ASAP2: variants seen among roughly 807,000 people sequenced by gnomAD.
ASAP2 encodes the protein arf-GAP with SH3 domain, ANK repeat and PH domain-containing protein 2.
ASAP2 carries 45 observed loss-of-function variants against 131.4 expected under a neutral mutation model. The observed-to-expected ratio is 0.34, with a 90% confidence interval of 0.27 to 0.44. ASAP2 has a LOEUF of 0.44. ASAP2 is among the 20% of genes least tolerant of loss of function. The probability of loss-of-function intolerance (pLI) is 1.00; values close to 1 mark genes in which losing one functional copy is unlikely to be tolerated. For missense variants in ASAP2, 1,011 were observed against 1,297.0 expected, an observed-to-expected ratio of 0.78 and a Z score of 3.39; for synonymous variants, 510 against 503.0, an observed-to-expected ratio of 1.01 and a Z score of -0.19.
At chr2:9,334,305 T>C (rs1320222962) in intron 7 of ASAP2, among the ~76,000 whole-genome samples, 2 of 151,174 alleles carry the variant, frequency 1.3e-5, no homozygotes, top group Non-Finnish European at 2.9e-5. Flanking sequence ...CACCTTGGCC[T>C]CCCCAAGTCC....
At chr2:9,222,331 T>C (rs1278377371) in intron 1 of ASAP2, among the ~76,000 whole-genome samples, 1 of 152,228 alleles carries the variant, frequency 6.6e-6, no homozygotes, top group Non-Finnish European at 1.5e-5. Flanking sequence ...GTGGAAATGT[T>C]TTTGCATTTG....
intron 2 of ASAP2, among the ~76,000 whole-genome samples, chr2:9,290,513 T>C (rs1667747990): frequency 6.6e-6 from 1 of 152,230 alleles, no homozygotes; most frequent in South Asian, 2.1e-4. Context: ...CCTGGCCTAA[T>C]GTTCTTAATA....
In ASAP2 at chr2:9,356,160, G is replaced by A. The variant is rs150532321; in HGVS notation, c.1161-19G>A. On this transcript the variant is annotated intron_variant, in intron 13 of 27. Transcript: ENST00000281419. ...CGTTGTTTGTGGAATTTAACACAGCGTTGCTCTTGTTTTTCTAGATGGATG... is the reference window on the plus strand; with the variant it reads ...CGTTGTTTGTGGAATTTAACACAGCATTGCTCTTGTTTTTCTAGATGGATG... The A allele has an allele frequency of 2.6e-3, 4,131 of 1,614,116 alleles. 73 individuals carry two copies. In the African/African-American group the frequency reaches 0.047, roughly 18 times the overall value.
chr2:9,343,379 A>G (rs1313785986), intron 9 of ASAP2, among the ~76,000 whole-genome samples: 1 of 144,772 alleles, frequency 6.9e-6, no homozygotes, highest in Non-Finnish European at 1.5e-5. Context: ...TCAGGGAAAT[A>G]GAATTTCCTG....
chr2:9,397,737 TATATA>T (rs1558403247), intron 24 of ASAP2, among the ~76,000 whole-genome samples: 33 of 89,898 alleles, frequency 3.7e-4, no homozygotes, highest in African/African-American at 2.8e-3. Context: ...GATATATATA[TATATA>T]TATATATATT....
rs1225055679 is a variant in ASAP2 at position 9,404,579 on chromosome 2, T to A, written c.*1252T>A. 2 of 152,500 alleles carry A rather than the reference T, an allele frequency of 1.3e-5. No homozygotes were observed. The allele number at this position is 152,500 out of a possible 1,614,324, so 9.4% of individuals were successfully genotyped here. A position where few individuals can be genotyped will look rare whatever the true frequency, so the allele number is the denominator to read the frequency against. ...ATTGGAAATTTTGGCACTCTGAGAATAAATAGGCATATGATACCCACTTGG... is the reference window on the plus strand; with the variant it reads ...ATTGGAAATTTTGGCACTCTGAGAAAAAATAGGCATATGATACCCACTTGG... On this transcript the variant is annotated 3_prime_UTR_variant, in exon 28 of 28. Coordinates refer to ENST00000281419, the MANE Select transcript of ASAP2 (RefSeq NM_003887.3).
intron 1 of ASAP2, among the ~76,000 whole-genome samples, chr2:9,278,326 A>G (rs888365906): frequency 1.3e-5 from 2 of 152,112 alleles, no homozygotes; most frequent in Middle Eastern, 3.2e-3. Context: ...CATCCTGTCT[A>G]ACATGGTGAA....
chr2:9,307,773 A>G (rs1215586527), intron 3 of ASAP2, among the ~76,000 whole-genome samples: 1 of 152,240 alleles, frequency 6.6e-6, no homozygotes, highest in African/African-American at 2.4e-5. Flanking sequence ...TGTTTTTGGC[A>G]GCTGGCTGGT....
rs1346830604 is a variant in ASAP2, at chr2:9,304,475, G to A, written c.345+7030G>A. ...AGGGCTGTAGGGGGTGTAGATATGCGGTGGAGGGGCTGTAGGGGGGGTGTA... is the reference window on the plus strand; with the variant it reads ...AGGGCTGTAGGGGGTGTAGATATGCAGTGGAGGGGCTGTAGGGGGGGTGTA... On this transcript the variant is annotated intron_variant, in intron 3 of 27. Coordinates refer to ENST00000281419, the MANE Select transcript of ASAP2 (RefSeq NM_003887.3). Among the ~76,000 whole-genome samples the A allele has an allele frequency of 9.3e-5, 14 of 149,966 alleles. No homozygotes were observed. The East Asian group carries it at 9.9e-4, about 11-fold the overall frequency.
intron 15 of ASAP2, among the ~76,000 whole-genome samples, chr2:9,365,245 G>A (rs1320420381): frequency 6.6e-6 from 1 of 152,140 alleles, no homozygotes. Context: ...TCCCTTGTCT[G>A]GGCCTTTACC....
chr2:9,372,883 G>A (rs1674091054), intron 16 of ASAP2, among the ~76,000 whole-genome samples: 1 of 152,160 alleles, frequency 6.6e-6, no homozygotes, highest in Admixed American at 6.5e-5. Context: ...GGATGTGGGG[G>A]AAACCGGAGT....
At chr2:9,229,508 T>G (rs1192281426) in intron 1 of ASAP2, among the ~76,000 whole-genome samples, 1 of 152,230 alleles carries the variant, frequency 6.6e-6, no homozygotes, top group Non-Finnish European at 1.5e-5. Context: ...CCTTGGGCAC[T>G]GCTGGCCTGG....
chr2:9,358,697 T>C (rs746831456), intron 14 of ASAP2, 59 bp from the exon 15 acceptor site: 20 of 1,567,022 alleles, frequency 1.3e-5, no homozygotes, highest in Non-Finnish European at 1.6e-5. Flanking sequence ...GGAAGAAAGA[T>C]GTGACTCCTG....
chr2:9,377,876 C>T (rs1050383479), intron 18 of ASAP2, among the ~76,000 whole-genome samples: 5 of 152,156 alleles, frequency 3.3e-5, no homozygotes, highest in African/African-American at 7.2e-5. Flanking sequence ...TCACTGGACT[C>T]GTGGTGGAAG....
At chr2:9,373,771 T>C (rs1674168033) in intron 16 of ASAP2, among the ~76,000 whole-genome samples, 1 of 152,220 alleles carries the variant, frequency 6.6e-6, no homozygotes. Context: ...GCAACTGATC[T>C]GCCCCTGCCT....
chr2:9,216,141 T>C (rs1662010149), intron 1 of ASAP2, among the ~76,000 whole-genome samples: 1 of 152,224 alleles, frequency 6.6e-6, no homozygotes, highest in Non-Finnish European at 1.5e-5. Context: ...AGAAGATTCA[T>C]GGGCACCACC....
At chr2:9,253,162 TTGTTTTTGTTTC>T (rs1237039534) in intron 1 of ASAP2, among the ~76,000 whole-genome samples, 4 of 152,050 alleles carry the variant, frequency 2.6e-5, no homozygotes, top group Non-Finnish European at 5.9e-5. Context: ...TCACCAGTTT[TTGTTTTTGTTTC>T]TGTTTTTTTA....
chr2:9,380,560 G>GTAGTTCTATACAAT (rs1421319183), intron 19 of ASAP2, among the ~76,000 whole-genome samples, 181 bp from the exon 20 acceptor site: 7 of 152,186 alleles, frequency 4.6e-5, no homozygotes, highest in Non-Finnish European at 7.3e-5. Context: ...GTATTTAGCT[G>GTAGTTCTATACAAT]TAGTTCTATA....
At chr2:9,304,403 A>T (rs1668689643) in intron 3 of ASAP2, among the ~76,000 whole-genome samples, 2 of 149,976 alleles carry the variant, frequency 1.3e-5, no homozygotes, top group East Asian at 4.0e-4. Context: ...CAAATCTACA[A>T]GGTACTGTGT....
Sources: gnomAD v4.1 joint callset for allele counts (sites outside exome capture counted in the v4.1 genomes callset) on GRCh38, gnomAD v4.1.1 for gene constraint, MANE v1.5 for transcripts, NCBI Gene and HGNC (gene_info 2026-07-23, HGNC 2026-07-21) for gene names.